The following DOCK2 variants were observed in gnomAD, a reference collection of about 807,000 sequenced individuals.
DOCK2 encodes the protein dedicator of cytokinesis 2.
Under a neutral mutation model 248.9 loss-of-function variants are expected in DOCK2, and 87 were observed. That is an observed-to-expected ratio of 0.35 (90% CI 0.29 to 0.42). The LOEUF is 0.42. Ranked by LOEUF, DOCK2 falls within the 10% of genes least tolerant of loss-of-function variation. The probability of loss-of-function intolerance (pLI) is 1.00; values close to 1 mark genes in which losing one functional copy is unlikely to be tolerated. For synonymous variants in DOCK2, 805 were observed against 821.6 expected, an observed-to-expected ratio of 0.98 and a Z score of 0.35; for missense variants, 1,747 against 2,300.2, an observed-to-expected ratio of 0.76 and a Z score of 4.92.
chr5:169,743,527 T>C (rs1439511727), intron 22 of DOCK2, among the ~76,000 whole-genome samples: 1 of 152,216 alleles, frequency 6.6e-6, no homozygotes, highest in Admixed American at 6.5e-5. Context: ...CCAGCTACAA[T>C]ATTAAGCACT....
At chr5:169,867,772 C>G (rs261024) in intron 27 of DOCK2, among the ~76,000 whole-genome samples, 31,239 of 152,052 alleles carry the variant, frequency 0.21, 4,814 homozygotes, top group African/African-American at 0.44. Flanking sequence ...TGGTACTGCA[C>G]CCCTATTTGT....
chr5:169,759,462 G>T (rs1764359928), intron 23 of DOCK2, among the ~76,000 whole-genome samples: 1 of 152,208 alleles, frequency 6.6e-6, no homozygotes, highest in African/African-American at 2.4e-5. Context: ...AGAACTACAA[G>T]GTCTGTGGTC....
At chr5:169,910,499 T>C (rs1336772395) in intron 27 of DOCK2, among the ~76,000 whole-genome samples, 1 of 152,194 alleles carries the variant, frequency 6.6e-6, no homozygotes, top group Non-Finnish European at 1.5e-5. Flanking sequence ...GCTTACCTTT[T>C]CTCAGGCCTG....
chr5:169,877,858 T>C (rs1020964500), intron 27 of DOCK2, among the ~76,000 whole-genome samples: 2 of 152,168 alleles, frequency 1.3e-5, no homozygotes, highest in Non-Finnish European at 1.5e-5. Flanking sequence ...AAATCCTACA[T>C]GGCCAATCTC....
At chr5:169,997,905 G>A (rs574932468) in intron 30 of DOCK2, 15 of 456,298 alleles carry the variant, frequency 3.3e-5, no homozygotes, top group Admixed American at 1.4e-4. Context: ...TTCAGGCAAG[G>A]CCTGGACTGT....
intron 1 of DOCK2, among the ~76,000 whole-genome samples, chr5:169,643,811 G>A (rs560921042): frequency 1.3e-5 from 2 of 152,298 alleles, no homozygotes; most frequent in South Asian, 4.1e-4. Context: ...CACGGCACAG[G>A]GTCTGAATGG....
intron 21 of DOCK2, among the ~76,000 whole-genome samples, 154 bp from the exon 22 acceptor site, chr5:169,718,503 T>G (rs560955835): frequency 6.6e-5 from 10 of 152,192 alleles, no homozygotes; most frequent in Non-Finnish European, 1.3e-4. Flanking sequence ...ATAAATATAA[T>G]TTTTATGCAG....
chr5:169,993,476 A>G (rs750262678), intron 29 of DOCK2, among the ~76,000 whole-genome samples: 2 of 152,042 alleles, frequency 1.3e-5, no homozygotes, highest in Non-Finnish European at 2.9e-5. Context: ...AGGAGACTGA[A>G]ACTTCAGGGG....
chr5:169,958,893 G>A (rs1269042354), intron 27 of DOCK2, among the ~76,000 whole-genome samples: 1 of 152,140 alleles, frequency 6.6e-6, no homozygotes, highest in Non-Finnish European at 1.5e-5. Flanking sequence ...AGTACGCTTT[G>A]TGTCTCTCAA....
At chr5:169,716,696 A>C (rs1443752733) in intron 20 of DOCK2, among the ~76,000 whole-genome samples, 1 of 152,082 alleles carries the variant, frequency 6.6e-6, no homozygotes, top group Non-Finnish European at 1.5e-5. Flanking sequence ...CCTCCAACTC[A>C]CTAATCATTA....
chr5:170,046,094 G>A (rs1326833203), intron 39 of DOCK2, among the ~76,000 whole-genome samples, 189 bp downstream of exon 39: 7 of 152,210 alleles, frequency 4.6e-5, no homozygotes, highest in South Asian at 2.1e-4. Context: ...TTCAAAGAGA[G>A]ATGTCGTGGG....
chr5:169,919,014 G>A (rs760257856), intron 27 of DOCK2, among the ~76,000 whole-genome samples: 9 of 152,134 alleles, frequency 5.9e-5, no homozygotes, highest in African/African-American at 1.7e-4. Flanking sequence ...GGGTTATGTT[G>A]GATAGAAGTG....
At chr5:169,772,520 C>G (rs531994721) in intron 25 of DOCK2, among the ~76,000 whole-genome samples, 30 of 152,306 alleles carry the variant, frequency 2.0e-4, no homozygotes, top group Middle Eastern at 3.4e-3. Flanking sequence ...CTGTGCTAAA[C>G]AGTTAGGTAT....
intron 50 of DOCK2, 55 bp from the exon 51 acceptor site, chr5:170,081,787 G>C: frequency 1.6e-6 from 2 of 1,212,554 alleles, no homozygotes; most frequent in East Asian, 3.1e-5. Flanking sequence ...CCTCCCCCAA[G>C]GCACTGCCCC....
At chr5:170,079,736 G>C (rs1420228039) in intron 49 of DOCK2, 1 of 166,398 alleles carries the variant, frequency 6.0e-6, no homozygotes, top group Non-Finnish European at 1.3e-5. Context: ...TGGGAACCTG[G>C]GAGTGGGAGA....
rs1756766841 is a variant in DOCK2 at position 170,047,759 on chromosome 5, C to G, written c.4071+145C>G. The G allele has an allele frequency of 2.8e-5, 18 of 637,572 alleles. No individual in the cohort carries two copies. In the South Asian group the frequency reaches 3.8e-4, roughly 14 times the overall value. 39.5% of individuals were successfully genotyped at this position (637,572 alleles called of 1,614,324 possible). A position where few individuals can be genotyped will look rare whatever the true frequency, so the allele number is the denominator to read the frequency against. On this transcript the variant is annotated intron_variant, in intron 40 of 51. Coordinates refer to ENST00000520908, the MANE Select transcript of DOCK2 (RefSeq NM_004946.3). Reference sequence around the variant, plus strand: ...GCTGCCCCCATCCCCAGGAGACTCCCCAGTCAATAGCCCTCATCATAATCA... The same window carrying G: ...GCTGCCCCCATCCCCAGGAGACTCCGCAGTCAATAGCCCTCATCATAATCA...
At chr5:169,843,663 A>T (rs1770129534) in intron 27 of DOCK2, among the ~76,000 whole-genome samples, 1 of 152,226 alleles carries the variant, frequency 6.6e-6, no homozygotes, top group South Asian at 2.1e-4. Flanking sequence ...AATTCAGTTT[A>T]GAGTATTTCT....
intron 27 of DOCK2, among the ~76,000 whole-genome samples, chr5:169,846,927 C>A (rs1770352482): frequency 6.6e-6 from 1 of 152,090 alleles, no homozygotes; most frequent in South Asian, 2.1e-4. Flanking sequence ...GCTTAGCTCC[C>A]ACTTATAAGT....
chr5:169,734,388 T>A (rs1446889508), intron 22 of DOCK2, among the ~76,000 whole-genome samples: 2 of 152,214 alleles, frequency 1.3e-5, no homozygotes, highest in African/African-American at 4.8e-5. Context: ...TCTGTCTCTC[T>A]GTTTTGGGTG....
Sources: allele counts gnomAD v4.1 joint callset (sites outside exome capture counted in the v4.1 genomes callset), GRCh38; gene constraint gnomAD v4.1.1; transcripts MANE v1.5; gene names NCBI Gene and HGNC (gene_info 2026-07-23, HGNC 2026-07-21).